SGCZ: variants seen among roughly 807,000 people sequenced by gnomAD.
SGCZ encodes sarcoglycan zeta, also known as zeta-sarcoglycan.
In SGCZ, 40 loss-of-function variants were observed where a neutral mutation model predicts 41.3. That is an observed-to-expected ratio of 0.97 (90% CI 0.75 to 1.26). SGCZ has a LOEUF of 1.26. Among genes scored for constraint, SGCZ ranks in the 50% most tolerant of loss-of-function variants. SGCZ has a pLI of 0.00. For synonymous variants in SGCZ, 206 were observed against 137.5 expected (o/e 1.50, Z -3.49); for missense variants, 552 against 369.8 (o/e 1.49, Z -4.04).
At position 14,489,866 on chromosome 8, in the gene SGCZ, C is replaced by CATTTTTTTTTTT. The variant is rs142314868; in HGVS notation, c.234+64865_234+64866insAAAAAAAAAAAT. Among the ~76,000 whole-genome samples, 375 of 137,506 alleles carry CATTTTTTTTTTT rather than the reference C, an allele frequency of 2.7e-3. 30 individuals carry two copies. Among genetic ancestry groups the CATTTTTTTTTTT allele is most frequent in the African/African-American group, 9.5e-3 (335 of 35,100 alleles). The allele number at this position is 137,506 out of a possible 152,430, so 90.2% of individuals were successfully genotyped here. On this transcript the variant is annotated intron_variant, in intron 2 of 7. Coordinates refer to ENST00000382080, the MANE Select transcript of SGCZ (RefSeq NM_139167.4). ...ACTGGCTCGCCGAAAAATTCTCCTA[C>CATTTTTTTTTTT]CTTTTTTTTTTTTTTCCTGAGATGG... is the stretch of plus-strand genomic sequence containing the variant.
intron 1 of SGCZ, among the ~76,000 whole-genome samples, chr8:14,748,263 A>T (rs558249415): frequency 6.6e-6 from 1 of 150,396 alleles, no homozygotes; most frequent in South Asian, 2.1e-4. Flanking sequence ...AAGAATTTGA[A>T]TTTACAGTGA....
chr8:14,591,773 G>A (rs963929276), intron 1 of SGCZ, among the ~76,000 whole-genome samples: 1 of 152,110 alleles, frequency 6.6e-6, no homozygotes, highest in Non-Finnish European at 1.5e-5. Context: ...CAGCCATTAT[G>A]AAAAGCACTT....
At chr8:14,626,082 A>G (rs1460199491) in intron 1 of SGCZ, among the ~76,000 whole-genome samples, 1 of 152,152 alleles carries the variant, frequency 6.6e-6, no homozygotes, top group Non-Finnish European at 1.5e-5. Flanking sequence ...AGTCCACAAA[A>G]TGTCAAATGA....
At position 14,763,302 on chromosome 8, in the gene SGCZ, G is replaced by GT. The variant is rs557606676; in HGVS notation, c.40-208377dup. 6.7e-4 allele frequency among the ~76,000 whole-genome samples: 102 copies of GT among 152,204 alleles called. 1 individual carries two copies. In the East Asian group the frequency reaches 0.017, roughly 26 times the overall value. On this transcript the variant is annotated intron_variant, in intron 1 of 7. Transcript: ENST00000382080. ...ACTTTACACCAAAAAGCAGTTCAGTGTTTTTTCATTTTAATACGGTGGACA... is the reference window on the plus strand; with the variant it reads ...ACTTTACACCAAAAAGCAGTTCAGTGTTTTTTTCATTTTAATACGGTGGACA...
chr8:14,260,846 A>T (rs946285128), intron 3 of SGCZ, among the ~76,000 whole-genome samples: 1 of 152,200 alleles, frequency 6.6e-6, no homozygotes, highest in Non-Finnish European at 1.5e-5. Flanking sequence ...CTATCTCAAG[A>T]ACAAAAAACC....
At chr8:14,217,735 T>C (rs1806051279) in intron 4 of SGCZ, among the ~76,000 whole-genome samples, 1 of 146,886 alleles carries the variant, frequency 6.8e-6, no homozygotes, top group Non-Finnish European at 1.5e-5. Flanking sequence ...GTTCAAGCAA[T>C]TCTCCTGCCT....
intron 1 of SGCZ, among the ~76,000 whole-genome samples, chr8:14,847,143 A>AGAAGAG (rs1491108061): frequency 7.5e-6 from 1 of 132,934 alleles, no homozygotes; most frequent in Non-Finnish European, 1.6e-5. Context: ...AAGAAGAAGA[A>AGAAGAG]GAAGAAGAAG....
chr8:14,688,333 A>C (rs910218854), intron 1 of SGCZ, among the ~76,000 whole-genome samples: 6 of 152,148 alleles, frequency 3.9e-5, no homozygotes, highest in Admixed American at 1.3e-4. Flanking sequence ...TTTAGGTCTA[A>C]AGTTTATGTC....
At chr8:14,212,962 A>C (rs1174923670) in intron 4 of SGCZ, among the ~76,000 whole-genome samples, 1 of 152,110 alleles carries the variant, frequency 6.6e-6, no homozygotes, top group Non-Finnish European at 1.5e-5. Flanking sequence ...AGTAGAATGG[A>C]AATAACAGGA....
chr8:14,911,875 A>C (rs1265217366), intron 1 of SGCZ, among the ~76,000 whole-genome samples: 3 of 151,974 alleles, frequency 2.0e-5, no homozygotes, highest in Non-Finnish European at 1.5e-5. Flanking sequence ...AGTCTAAATA[A>C]TAAAAATTAA....
chr8:14,973,935 G>T (rs539869224), intron 1 of SGCZ, among the ~76,000 whole-genome samples: 1 of 152,136 alleles, frequency 6.6e-6, no homozygotes, highest in South Asian at 2.1e-4. Context: ...TTTTTTTAAA[G>T]CCTAATGGAC....
chr8:14,325,620 G>C (rs999194313), intron 2 of SGCZ, among the ~76,000 whole-genome samples: 8 of 145,058 alleles, frequency 5.5e-5, no homozygotes, highest in African/African-American at 2.0e-4. Flanking sequence ...ATAATATATA[G>C]TTGATCATGT....
intron 1 of SGCZ, among the ~76,000 whole-genome samples, chr8:14,794,162 C>A (rs1023106796): frequency 6.6e-6 from 1 of 152,160 alleles, no homozygotes; most frequent in East Asian, 1.9e-4. Context: ...CTACAGTCTT[C>A]TACTCAGTCA....
intron 2 of SGCZ, among the ~76,000 whole-genome samples, chr8:14,460,718 C>T (rs567146139): frequency 1.4e-4 from 21 of 152,204 alleles, no homozygotes; most frequent in African/African-American, 5.1e-4. Flanking sequence ...TCAAGAAAGA[C>T]AAGTGTGTGT....
intron 3 of SGCZ, among the ~76,000 whole-genome samples, chr8:14,257,073 C>G (rs35823436): frequency 0.3 from 45,550 of 151,962 alleles, 7,585 homozygotes; most frequent in Non-Finnish European, 0.38. Context: ...GCTCATGCCT[C>G]TAATCCTAGC....
chr8:14,672,683 C>T (rs554578594), intron 1 of SGCZ, among the ~76,000 whole-genome samples: 12 of 152,288 alleles, frequency 7.9e-5, no homozygotes, highest in African/African-American at 2.9e-4. Context: ...TGGTTGTGCT[C>T]AGGACAACCC....
chr8:14,381,702 C>T (rs920649703), intron 2 of SGCZ, among the ~76,000 whole-genome samples: 1 of 151,894 alleles, frequency 6.6e-6, no homozygotes, highest in African/African-American at 2.4e-5. Flanking sequence ...GAAAGGGTCT[C>T]TTGAGCCCAG....
chr8:14,958,330 C>T lies in SGCZ; in HGVS notation c.39+279255G>A, dbSNP rs554033521. On this transcript the variant is annotated intron_variant, in intron 1 of 7. Coordinates refer to ENST00000382080, the MANE Select transcript of SGCZ (RefSeq NM_139167.4). ...AGCTTTATTCAAAATTCCCCAAAAA[C>T]AGAAACAAATGAAATGTTGGTCAAT... is the stretch of plus-strand genomic sequence containing the variant. Among the ~76,000 whole-genome samples, 8 of 152,018 alleles carry T rather than the reference C, an allele frequency of 5.3e-5. No individual in the cohort carries two copies. The South Asian group carries it at 1.7e-3, about 32-fold the overall frequency.
intron 4 of SGCZ, among the ~76,000 whole-genome samples, chr8:14,193,074 C>G (rs1227020133): frequency 5.9e-5 from 9 of 151,722 alleles, no homozygotes; most frequent in Non-Finnish European, 1.2e-4. Context: ...AAGACTGTAT[C>G]TTATAGGCTG....
Sources: allele counts gnomAD v4.1 joint callset (sites outside exome capture counted in the v4.1 genomes callset), GRCh38; gene constraint gnomAD v4.1.1; transcripts MANE v1.5; gene names NCBI Gene and HGNC (gene_info 2026-07-23, HGNC 2026-07-21).